Variants in SHISA9 observed in about 807,000 individuals in gnomAD.
SHISA9 encodes protein shisa-9.
SHISA9 carries 13 observed loss-of-function variants against 38.0 expected under a neutral mutation model. The observed-to-expected ratio is 0.34, with a 90% CI of 0.22 to 0.54. SHISA9 has a LOEUF of 0.54. Ranked by LOEUF, SHISA9 falls within the 20% of genes least tolerant of loss-of-function variation. The probability of loss-of-function intolerance (pLI) is 0.91; values close to 1 mark genes in which losing one functional copy is unlikely to be tolerated. For missense variants in SHISA9, 538 were observed against 575.8 expected, an observed-to-expected ratio of 0.93 and a Z score of 0.67; for synonymous variants, 275 against 242.0, an observed-to-expected ratio of 1.14 and a Z score of -1.27.
chr16:13,438,887 C>A, the SHISA9 span, among the ~76,000 whole-genome samples: 4 of 152,294 alleles, frequency 2.6e-5, no homozygotes, highest in South Asian at 8.3e-4. Flanking sequence ...CGCTCCATCC[C>A]AGCTGTCTCT....
chr16:13,165,705 A>G (rs2050629624), intron 2 of SHISA9, among the ~76,000 whole-genome samples: 1 of 152,224 alleles, frequency 6.6e-6, no homozygotes, highest in Non-Finnish European at 1.5e-5. Context: ...AGCCTTTCCC[A>G]CAACAGTCAG....
chr16:12,973,556 T>C (rs938857134), intron 2 of SHISA9, among the ~76,000 whole-genome samples: 5 of 152,198 alleles, frequency 3.3e-5, no homozygotes, highest in African/African-American at 1.2e-4. Context: ...CCCATCACTC[T>C]CCTTCCTCCT....
the SHISA9 span, among the ~76,000 whole-genome samples, chr16:13,508,345 C>G: frequency 6.6e-6 from 1 of 152,046 alleles, no homozygotes. Context: ...TTTAACTATT[C>G]TCCTATTATT....
chr16:13,505,353 A>G, the SHISA9 span, among the ~76,000 whole-genome samples: 2 of 152,104 alleles, frequency 1.3e-5, no homozygotes, highest in South Asian at 2.1e-4. Flanking sequence ...GTATATTCTT[A>G]TTGATCACCT....
the SHISA9 span, among the ~76,000 whole-genome samples, chr16:13,512,899 A>G: frequency 6.6e-6 from 1 of 152,212 alleles, no homozygotes; most frequent in East Asian, 1.9e-4. Context: ...CCAAAACTAT[A>G]AAAACCCTGG....
chr16:12,969,857 A>C (rs1466275717), intron 2 of SHISA9, among the ~76,000 whole-genome samples: 1 of 152,214 alleles, frequency 6.6e-6, no homozygotes, highest in Non-Finnish European at 1.5e-5. Flanking sequence ...CACGCAAAAA[A>C]GTAAGTTTTG....
At chr16:13,469,364 A>AAAGAAAG in the SHISA9 span, among the ~76,000 whole-genome samples, 1 of 58,580 alleles carries the variant, frequency 1.7e-5, no homozygotes, top group Non-Finnish European at 3.5e-5. Context: ...GAAAGAAAAG[A>AAAGAAAG]AAAAGAAAGA....
At position 12,939,056 on chromosome 16, in the gene SHISA9, C is replaced by T. The variant is rs147440617; in HGVS notation, c.691+22241C>T. On this transcript the variant is annotated intron_variant, in intron 2 of 4. Transcript: ENST00000558583. ...GAAGTAGTTTCATCTCTTCTCTCCT[C>T]TCCCCTCCTCTCCTTTCCTCTTCTC... Among the ~76,000 whole-genome samples the T allele has an allele frequency of 1.6e-4, 24 of 152,136 alleles. 1 individual carries two copies. The East Asian group carries it at 4.6e-3, about 29-fold the overall frequency.
chr16:13,023,262 A>C (rs1198329540), intron 2 of SHISA9, among the ~76,000 whole-genome samples: 2 of 152,186 alleles, frequency 1.3e-5, no homozygotes, highest in Non-Finnish European at 2.9e-5. Context: ...GAGTGAGAAC[A>C]TGCGGTGTTT....
intron 2 of SHISA9, among the ~76,000 whole-genome samples, chr16:13,102,700 G>T (rs1351969909): frequency 6.6e-6 from 1 of 152,080 alleles, no homozygotes; most frequent in Non-Finnish European, 1.5e-5. Flanking sequence ...CTGTTTCTCT[G>T]CCGCTATAAT....
intron 2 of SHISA9, among the ~76,000 whole-genome samples, chr16:13,161,340 A>G (rs1324138176): frequency 2.0e-5 from 3 of 152,138 alleles, no homozygotes; most frequent in African/African-American, 7.2e-5. Flanking sequence ...TCATCTGCCC[A>G]TGTGGCTAGC....
At chr16:13,113,631 C>T (rs541232039) in intron 2 of SHISA9, among the ~76,000 whole-genome samples, 40 of 152,184 alleles carry the variant, frequency 2.6e-4, no homozygotes, top group African/African-American at 9.6e-4. Context: ...GGAATTTGGG[C>T]AGGGAGGTCA....
chr16:13,071,017 G>A (rs899840361), intron 2 of SHISA9, among the ~76,000 whole-genome samples: 1 of 152,136 alleles, frequency 6.6e-6, no homozygotes, highest in African/African-American at 2.4e-5. Flanking sequence ...CTTTCAGTTT[G>A]AGGAGCTCTG....
At chr16:13,499,482 C>CATAGAGAGA in the SHISA9 span, among the ~76,000 whole-genome samples, 3 of 152,082 alleles carry the variant, frequency 2.0e-5, no homozygotes, top group Non-Finnish European at 2.9e-5. Flanking sequence ...ATTGTGAGTA[C>CATAGAGAGA]ATAGAGAGAA....
Position 12,916,720 on chromosome 16 carries a change from A to G in SHISA9, c.596A>G (p.His199Arg), listed in dbSNP as rs1465537427. The G allele has an allele frequency of 1.9e-6, 3 of 1,551,712 alleles. No homozygotes were observed. Among genetic ancestry groups the G allele is most frequent in the African/African-American group, 1.4e-5 (1 of 73,146 alleles). The change falls in exon 2 of 5, where the codon CAC (histidine) becomes CGC (arginine). Residue 199 changes from histidine (H) to arginine (R), a missense_variant. This residue lies in a region of SHISA9 where 326 missense variants were observed against 305.9 expected (regional missense o/e 1.07). Transcript: ENST00000558583. ...GCGGATGTCATGAGACCACAGGGCC[A>G]CTGCAACACTGATCACATGGAGAGA... The part of the protein sequence containing the change: ...ALADVMRPQG[H>R]CNTDHMERDL...
At chr16:13,302,707 T>A in the SHISA9 span, among the ~76,000 whole-genome samples, 4 of 152,200 alleles carry the variant, frequency 2.6e-5, no homozygotes, top group East Asian at 7.7e-4. Flanking sequence ...GTAGTCTTCA[T>A]TCATGCGAGT....
At chr16:13,221,216 T>G (rs2051221714) in intron 4 of SHISA9, among the ~76,000 whole-genome samples, 1 of 152,180 alleles carries the variant, frequency 6.6e-6, no homozygotes, top group African/African-American at 2.4e-5. Context: ...CTGGTTCATG[T>G]GCAGCCTCCG....
chr16:13,320,575 GC>G, the SHISA9 span, among the ~76,000 whole-genome samples: 1 of 152,206 alleles, frequency 6.6e-6, no homozygotes, highest in African/African-American at 2.4e-5. Flanking sequence ...TGTTGTAGTT[GC>G]TGATGAATAC....
chr16:12,935,345 A>G (rs1158878351), intron 2 of SHISA9, among the ~76,000 whole-genome samples: 1 of 152,198 alleles, frequency 6.6e-6, no homozygotes, highest in Non-Finnish European at 1.5e-5. Flanking sequence ...ATCCCTTAGA[A>G]TTCTACCAAC....
Sources: allele counts gnomAD v4.1 joint callset (sites outside exome capture counted in the v4.1 genomes callset), GRCh38; gene constraint gnomAD v4.1.1; regional missense constraint gnomAD v4.1.1; transcripts MANE v1.5; gene names NCBI Gene and HGNC (gene_info 2026-07-23, HGNC 2026-07-21).